Variants in MEF2C observed in about 807,000 individuals in gnomAD.
MEF2C encodes myocyte-specific enhancer factor 2C.
In MEF2C, 6 loss-of-function variants were observed where a neutral mutation model predicts 50.5. That is an observed-to-expected ratio of 0.12 (90% CI 0.07 to 0.23). MEF2C has a LOEUF of 0.23. MEF2C is among the 10% of genes least tolerant of loss of function. The probability of loss-of-function intolerance (pLI) is 1.00; values close to 1 mark genes in which losing one functional copy is unlikely to be tolerated. For missense variants in MEF2C, 276 were observed against 605.0 expected (o/e 0.46, Z 5.70); for synonymous variants, 183 against 228.0 (o/e 0.80, Z 1.78).
intron 6 of MEF2C, chr5:88,734,701 T>G: frequency 6.1e-6 from 6 of 981,264 alleles, no homozygotes; most frequent in Non-Finnish European, 7.2e-6. Flanking sequence ...GAAAAAAAAG[T>G]AAATATACAT....
chr5:88,739,425 A>G, intron 6 of MEF2C: 1 of 955,486 alleles, frequency 1.0e-6, no homozygotes, highest in Non-Finnish European at 1.2e-6. Flanking sequence ...AATGCTCACT[A>G]TCATCAATTA....
intron 1 of MEF2C, among the ~76,000 whole-genome samples, chr5:88,845,329 T>C (rs528224879): frequency 2.6e-5 from 4 of 152,256 alleles, no homozygotes; most frequent in Non-Finnish European, 5.9e-5. Context: ...GAAAAAACTC[T>C]TCCTTTATAG....
chr5:88,725,160 A>G (rs142187700), intron 10 of MEF2C, among the ~76,000 whole-genome samples: 20 of 152,230 alleles, frequency 1.3e-4, no homozygotes, highest in Non-Finnish European at 1.5e-5. Context: ...ACTGGCCTGT[A>G]TAGGTTTAGC....
intron 3 of MEF2C, among the ~76,000 whole-genome samples, chr5:88,763,578 A>G (rs899491807): frequency 6.6e-6 from 1 of 152,146 alleles, no homozygotes; most frequent in African/African-American, 2.4e-5. Flanking sequence ...TATAGAGAAA[A>G]ATATGTCAGA....
At chr5:88,900,106 T>G (rs1450193629) in intron 1 of MEF2C, among the ~76,000 whole-genome samples, 1 of 152,080 alleles carries the variant, frequency 6.6e-6, no homozygotes, top group African/African-American at 2.4e-5. Flanking sequence ...ATGTGGTAGA[T>G]TTCAACTAAA....
intron 3 of MEF2C, among the ~76,000 whole-genome samples, chr5:88,796,441 A>C (rs1354918873): frequency 1.3e-5 from 2 of 152,138 alleles, no homozygotes; most frequent in Non-Finnish European, 2.9e-5. Context: ...TGTTTATAGT[A>C]TTCTTTAATG....
At chr5:88,729,856 A>C (rs1003257679) in intron 8 of MEF2C, among the ~76,000 whole-genome samples, 1 of 152,172 alleles carries the variant, frequency 6.6e-6, no homozygotes, top group African/African-American at 2.4e-5. Flanking sequence ...GCTAATGCGA[A>C]TATTTAACTC....
chr5:88,742,869 C>T, intron 6 of MEF2C: 3 of 984,378 alleles, frequency 3.0e-6, no homozygotes, highest in Non-Finnish European at 3.6e-6. Context: ...CATGCTGTAG[C>T]TATCTAATTT....
chr5:88,878,698 T>C (rs1395657186), intron 1 of MEF2C, among the ~76,000 whole-genome samples: 1 of 152,006 alleles, frequency 6.6e-6, no homozygotes, highest in Non-Finnish European at 1.5e-5. Context: ...AAATAGTCTT[T>C]CTTTATTCCA....
At chr5:88,878,697 T>G (rs1831882058) in intron 1 of MEF2C, among the ~76,000 whole-genome samples, 1 of 152,024 alleles carries the variant, frequency 6.6e-6, no homozygotes, top group Non-Finnish European at 1.5e-5. Context: ...TAAATAGTCT[T>G]TCTTTATTCC....
chr5:88,726,720 T>C (rs908431131), intron 10 of MEF2C, among the ~76,000 whole-genome samples: 2 of 152,316 alleles, frequency 1.3e-5, no homozygotes, highest in East Asian at 1.9e-4. Flanking sequence ...ATTCAGTTCC[T>C]TTCTGTCTAA....
Position 88,736,813 on chromosome 5 carries a change from A to G in MEF2C, c.638-4912T>C, listed in dbSNP as rs542312495. ...CTCTATCTATGAAACCTAATTTCCA[A>G]TGGTCACAGCCTGCCTTATGGTCCT... On this transcript the variant is annotated intron_variant, in intron 6 of 10. Transcript: ENST00000504921. 1.4e-4 allele frequency: 140 copies of G among 985,330 alleles called. 1 individual carries two copies. The South Asian group carries it at 5.9e-3, about 42-fold the overall frequency. The allele number at this position is 985,330 out of a possible 1,614,324, so 61.0% of individuals were successfully genotyped here.
chr5:88,824,483 T>A (rs1809963259), intron 1 of MEF2C: 1 of 403,950 alleles, frequency 2.5e-6, no homozygotes, highest in Non-Finnish European at 3.3e-6. Context: ...AATCTTACTT[T>A]AAAAAAATTA....
At chr5:88,878,306 A>C (rs1008861942) in intron 1 of MEF2C, among the ~76,000 whole-genome samples, 1 of 152,032 alleles carries the variant, frequency 6.6e-6, no homozygotes, top group African/African-American at 2.4e-5. Flanking sequence ...CATGAATGTT[A>C]CAAGTTTTTG....
chr5:88,859,506 T>C (rs905124606), intron 1 of MEF2C, among the ~76,000 whole-genome samples: 3 of 152,228 alleles, frequency 2.0e-5, no homozygotes, highest in Admixed American at 6.5e-5. Context: ...CCGTTTCACA[T>C]ATGAAAGTTC....
intron 1 of MEF2C, chr5:88,843,437 T>C (rs1818158409): frequency 6.1e-6 from 6 of 985,244 alleles, no homozygotes; most frequent in South Asian, 4.7e-5. Flanking sequence ...TATTGAGACA[T>C]TGCAAAAATG....
chr5:88,843,539 A>G, intron 1 of MEF2C: 1 of 910,684 alleles, frequency 1.1e-6, no homozygotes, highest in Non-Finnish European at 1.3e-6. Context: ...TTTATACCTT[A>G]TTCATTTTTT....
At chr5:88,837,591 C>T (rs1815679651) in intron 1 of MEF2C, among the ~76,000 whole-genome samples, 1 of 152,012 alleles carries the variant, frequency 6.6e-6, no homozygotes, top group African/African-American at 2.4e-5. Flanking sequence ...TCTAAGACCC[C>T]TTTCAAGTTC....
At chr5:88,870,820 C>T (rs750518461) in intron 1 of MEF2C, among the ~76,000 whole-genome samples, 1 of 152,026 alleles carries the variant, frequency 6.6e-6, no homozygotes, top group African/African-American at 2.4e-5. Context: ...AAACACTAAA[C>T]TTATAAAAAC....
Sources: gnomAD v4.1 joint callset for allele counts (sites outside exome capture counted in the v4.1 genomes callset) on GRCh38, gnomAD v4.1.1 for gene constraint, MANE v1.5 for transcripts, NCBI Gene and HGNC (gene_info 2026-07-23, HGNC 2026-07-21) for gene names.